LRP1B: variants seen among roughly 807,000 people sequenced by gnomAD.
LRP1B encodes LDL receptor related protein 1B, also known as low-density lipoprotein receptor-related protein 1B.
LRP1B carries 217 observed loss-of-function variants against 556.6 expected under a neutral mutation model. The ratio of observed to expected loss-of-function variants is 0.39; its 90% CI spans 0.35 to 0.44. The LOEUF (loss-of-function observed/expected upper bound fraction) is 0.44, where lower values mean the gene tolerates loss of function less well. Among genes scored for constraint, LRP1B ranks in the 20% least tolerant of loss-of-function variants. LRP1B has a pLI of 1.00. For missense variants in LRP1B, 5,053 were observed against 5,620.8 expected, an observed-to-expected ratio of 0.90 and a Z score of 3.23; for synonymous variants, 2,047 against 1,865.8, an observed-to-expected ratio of 1.10 and a Z score of -2.50.
chr2:141,354,044 C>G (rs1212143102), intron 3 of LRP1B, among the ~76,000 whole-genome samples: 1 of 151,856 alleles, frequency 6.6e-6, no homozygotes, highest in Non-Finnish European at 1.5e-5. Flanking sequence ...GAACAGTAGA[C>G]ACTGAGGCCT....
At chr2:141,172,576 C>T (rs189172465) in intron 7 of LRP1B, among the ~76,000 whole-genome samples, 16 of 151,984 alleles carry the variant, frequency 1.1e-4, no homozygotes, top group African/African-American at 3.4e-4. Flanking sequence ...CATAGATTAC[C>T]GAACAAGTTT....
chr2:140,803,260 GTTTTTTTTTTTT>G (rs11352164), intron 32 of LRP1B, among the ~76,000 whole-genome samples: 9 of 102,236 alleles, frequency 8.8e-5, no homozygotes, highest in African/African-American at 2.6e-4. Flanking sequence ...CCTATTGAAA[GTTTTTTTTTTTT>G]TTTTTTTTTT....
intron 18 of LRP1B, among the ~76,000 whole-genome samples, chr2:140,971,020 A>T (rs552798767): frequency 6.6e-6 from 1 of 152,246 alleles, no homozygotes; most frequent in African/African-American, 2.4e-5. Context: ...GCAACATTAC[A>T]GGCATGAGCC....
chr2:140,902,486 C>T (rs1216159419), intron 23 of LRP1B, among the ~76,000 whole-genome samples: 1 of 152,008 alleles, frequency 6.6e-6, no homozygotes, highest in African/African-American at 2.4e-5. Flanking sequence ...CTGTGAAAAA[C>T]CACCTAGAGA....
intron 43 of LRP1B, among the ~76,000 whole-genome samples, chr2:140,564,862 TA>T (rs1461320241): frequency 6.6e-6 from 1 of 152,162 alleles, no homozygotes; most frequent in African/African-American, 2.4e-5. Flanking sequence ...TAAGATATAC[TA>T]AGTTTTAGCA....
chr2:142,045,182 G>A (rs1704213586), intron 1 of LRP1B, among the ~76,000 whole-genome samples: 1 of 150,868 alleles, frequency 6.6e-6, no homozygotes, highest in Non-Finnish European at 1.5e-5. Flanking sequence ...AAATGACTGT[G>A]TAGGAGTAAG....
Position 140,852,048 on chromosome 2 carries a change from C to T in LRP1B, c.4580-265G>A, listed in dbSNP as rs528290935. On this transcript the variant is annotated intron_variant, in intron 27 of 90. Coordinates refer to ENST00000389484, the MANE Select transcript of LRP1B (RefSeq NM_018557.3). ...GCATCCTATTGCTTCGAGGTAGTGG[C>T]CGGATGTGGTTGCTCACGCCTGTCA... Among the ~76,000 whole-genome samples the T allele has an allele frequency of 2.0e-5, 3 of 152,268 alleles. No homozygotes were observed. In the South Asian group the frequency reaches 6.2e-4, roughly 32 times the overall value.
chr2:141,285,098 A>AT (rs543994866), intron 3 of LRP1B, among the ~76,000 whole-genome samples: 14,794 of 135,644 alleles, frequency 0.11, 989 homozygotes, highest in East Asian at 0.16. Flanking sequence ...CCCATATTTC[A>AT]TTTTTTTTTT....
intron 31 of LRP1B, among the ~76,000 whole-genome samples, chr2:140,822,415 T>A (rs1306645369): frequency 6.6e-6 from 1 of 152,218 alleles, no homozygotes; most frequent in East Asian, 1.9e-4. Context: ...TTTCATATGA[T>A]TATGATACAC....
At chr2:141,133,031 A>G (rs1433054225) in intron 7 of LRP1B, among the ~76,000 whole-genome samples, 1 of 152,072 alleles carries the variant, frequency 6.6e-6, no homozygotes, top group Non-Finnish European at 1.5e-5. Context: ...ACATTTTTCA[A>G]CAGCATGCAT....
rs148320113 is a variant in LRP1B at position 140,410,891 on chromosome 2, A to G, written c.10415-24882T>C. 3.0e-3 allele frequency among the ~76,000 whole-genome samples: 452 copies of G among 152,084 alleles called. 2 individuals are homozygous for G. The highest frequency in any genetic ancestry group is 1.0e-2 in the African/African-American group (415 of 41,520). On this transcript the variant is annotated intron_variant, in intron 66 of 90. Transcript: ENST00000389484. ...GTGAAAGCTGGTTGCAAGCATTGTC[A>G]CAGGCCTGGGTTGAACCCTATGACA...
intron 2 of LRP1B, among the ~76,000 whole-genome samples, chr2:141,747,508 G>A (rs1327059358): frequency 1.3e-5 from 2 of 152,164 alleles, no homozygotes; most frequent in African/African-American, 4.8e-5. Flanking sequence ...ATGGTGGCAT[G>A]CACCTGTAGT....
At chr2:141,966,584 T>C (rs892129095) in intron 1 of LRP1B, among the ~76,000 whole-genome samples, 1 of 151,572 alleles carries the variant, frequency 6.6e-6, no homozygotes, top group Non-Finnish European at 1.5e-5. Flanking sequence ...TAAGATTTTT[T>C]TTTCAATTGA....
At chr2:141,669,946 G>A (rs529737579) in intron 2 of LRP1B, among the ~76,000 whole-genome samples, 1 of 152,082 alleles carries the variant, frequency 6.6e-6, no homozygotes, top group African/African-American at 2.4e-5. Flanking sequence ...GTACAGACGG[G>A]GTTTCACCAT....
rs116333706 is a variant in LRP1B at position 141,022,847 on chromosome 2, T to C, written c.1790-2745A>G. ...GATAGAGTTCAAGTATTCTACATTA[T>C]AAAATTCATATTTTCTACTATTTAT... is the stretch of plus-strand genomic sequence containing the variant. On this transcript the variant is annotated intron_variant, in intron 11 of 90. Coordinates refer to ENST00000389484, the MANE Select transcript of LRP1B (RefSeq NM_018557.3). 8.0e-3 allele frequency among the ~76,000 whole-genome samples: 1,212 copies of C among 152,076 alleles called. 5 individuals carry two copies. The highest frequency in any genetic ancestry group is 0.014 in the Admixed American group (213 of 15,226).
At chr2:140,876,495 C>T (rs1240704304) in intron 25 of LRP1B, among the ~76,000 whole-genome samples, 2 of 152,174 alleles carry the variant, frequency 1.3e-5, no homozygotes, top group African/African-American at 2.4e-5. Context: ...CAGTGGTGTG[C>T]TTTCCTCTAA....
chr2:141,400,497 C>T lies in LRP1B; in HGVS notation c.343+79899G>A, dbSNP rs575681373. 3.3e-5 allele frequency among the ~76,000 whole-genome samples: 5 copies of T among 152,226 alleles called. No individual in the cohort carries two copies. In the East Asian group the frequency reaches 7.7e-4, roughly 24 times the overall value. On this transcript the variant is annotated intron_variant, in intron 3 of 90. Transcript: ENST00000389484. ...GCTGTCCAAGGAATTATAGTAGTGG[C>T]TATTGAAATTAAGAAAAAATTCTCC...
At chr2:141,637,568 T>C (rs1689146847) in intron 2 of LRP1B, among the ~76,000 whole-genome samples, 1 of 152,152 alleles carries the variant, frequency 6.6e-6, no homozygotes, top group Non-Finnish European at 1.5e-5. Context: ...GTGAATAAGC[T>C]CTCACTTCAT....
intron 60 of LRP1B, 37 bp from the exon 61 acceptor site, chr2:140,457,688 G>C: frequency 2.7e-6 from 4 of 1,508,190 alleles, no homozygotes; most frequent in Non-Finnish European, 3.7e-6. Context: ...GTTCAGTCTT[G>C]GAAGACTGCC....
Sources: allele counts gnomAD v4.1 joint callset (sites outside exome capture counted in the v4.1 genomes callset), GRCh38; gene constraint gnomAD v4.1.1; transcripts MANE v1.5; gene names NCBI Gene and HGNC (gene_info 2026-07-23, HGNC 2026-07-21).